BTK: variants seen among roughly 807,000 people sequenced by gnomAD.
BTK encodes tyrosine-protein kinase BTK.
In BTK, 5 loss-of-function variants were observed where a neutral mutation model predicts 57.4. The observed-to-expected ratio is 0.09, with a 90% CI of 0.05 to 0.18. The LOEUF is 0.18. BTK is among the 10% of genes least tolerant of loss of function. The probability of loss-of-function intolerance (pLI) is 1.00; values close to 1 mark genes in which losing one functional copy is unlikely to be tolerated. For missense variants in BTK, 194 were observed against 501.2 expected (o/e 0.39, Z 5.85); for synonymous variants, 154 against 174.3 (o/e 0.88, Z 0.92).
upstream of BTK, among the ~76,000 whole-genome samples, chrX:101,388,482 T>C (rs1259987770): frequency 2.7e-5 from 3 of 112,217 alleles, no homozygotes; most frequent in African/African-American, 6.5e-5. Flanking sequence ...AGCATTTTTA[T>C]TGATCATCTT....
rs60191867 is a variant in BTK at position 101,352,899 on chromosome X, C to CA, written c.1908+294dup. 0.058 allele frequency: 9,415 copies of CA among 161,072 alleles called. 278 individuals carry two copies. Among genetic ancestry groups the CA allele is most frequent in the African/African-American group, 0.17 (3,674 of 22,138 alleles). The allele number at this position is 161,072 out of a possible 1,213,427, so 13.3% of individuals were successfully genotyped here. On this transcript the variant is annotated intron_variant, in intron 18 of 18. Coordinates refer to ENST00000308731, the MANE Select transcript of BTK (RefSeq NM_000061.3). The stretch of plus-strand genomic sequence containing the variant: ...GGGTGACAGAGCAAGACTGTGTCAC[C>CA]AAAAAAAAAAAAAAAAATTAGCTTG...
intron 3 of BTK, among the ~76,000 whole-genome samples, chrX:101,373,879 TA>T: frequency 9.2e-6 from 1 of 109,131 alleles, no homozygotes; most frequent in Non-Finnish European, 1.9e-5. Context: ...CCGTCTCTAC[TA>T]AAAAAATACG....
upstream of BTK, among the ~76,000 whole-genome samples, chrX:101,389,203 T>C (rs782389980): frequency 8.9e-6 from 1 of 112,098 alleles, no homozygotes; most frequent in Admixed American, 9.5e-5. Flanking sequence ...ACACAGTGTA[T>C]ACACATATCA....
intron 13 of BTK, 139 bp from the exon 14 acceptor site, chrX:101,357,094 G>T: frequency 2.9e-6 from 2 of 683,022 alleles, no homozygotes; most frequent in Non-Finnish European, 4.5e-6. Context: ...CTTTGCTTAA[G>T]TCAATCTCAG....
chrX:101,384,953 G>A (rs1927567089), intron 1 of BTK, among the ~76,000 whole-genome samples: 1 of 111,518 alleles, frequency 9.0e-6, no homozygotes, highest in African/African-American at 3.3e-5. Context: ...GACATTGGCA[G>A]GTCTGAGGCA....
upstream of BTK, among the ~76,000 whole-genome samples, chrX:101,386,870 A>G (rs1251830401): frequency 8.9e-6 from 1 of 112,046 alleles, no homozygotes; most frequent in African/African-American, 3.2e-5. Flanking sequence ...CTTTCTCTTG[A>G]GTCCTGTAAA....
rs1555978473 is a variant in BTK at position 101,360,605 on chromosome X, T to G, written c.739A>C (p.Ser247Arg). The G allele has an allele frequency of 8.3e-7, 1 of 1,209,995 alleles. No individual in the cohort carries two copies. The highest frequency in any genetic ancestry group is 1.1e-6 in the Non-Finnish European group (1 of 895,249). ...KGDEYFILEE[S>R]NLPWWRARDK... ...CGTGCTCTCCACCATGGTAAGTTGC[T>G]TTCCTCCAAGATAAAATATTCATCA... Residue 247 changes from serine to arginine, a missense_variant, in exon 8 of 19, where the codon AGC becomes CGC. Physicochemically the swap from Ser to Arg is moderately radical, Grantham distance 110. This residue lies in a region of BTK where 115 missense variants were observed against 258.3 expected (regional missense o/e 0.45). Transcript: ENST00000308731.
In BTK at chrX:101,360,594, T is replaced by C; in HGVS notation, c.750A>G (p.Pro250=). 1 of 1,211,756 alleles carries C rather than the reference T, an allele frequency of 8.3e-7. No individual in the cohort carries two copies. Among genetic ancestry groups the C allele is most frequent in the African/African-American group, 1.7e-5 (1 of 57,798 alleles). The part of the protein sequence containing the change: ...EYFILEESNL[P]WWRARDKNGQ... ...CATTTTTATCTCGTGCTCTCCACCATGGTAAGTTGCTTTCCTCCAAGATAA... is the reference window on the plus strand; with the variant it reads ...CATTTTTATCTCGTGCTCTCCACCACGGTAAGTTGCTTTCCTCCAAGATAA... The change falls in exon 8 of 19, where the codon CCA becomes CCG. Residue 250 remains proline (P), a synonymous_variant. Coordinates refer to ENST00000308731, the MANE Select transcript of BTK (RefSeq NM_000061.3).
intron 15 of BTK, chrX:101,355,648 A>G: frequency 1.9e-5 from 3 of 160,017 alleles, no homozygotes; most frequent in Non-Finnish European, 3.7e-5. Flanking sequence ...TAACATAAAA[A>G]AAACCCACAC....
chrX:101,364,409 C>CAA (rs782095484), intron 5 of BTK, among the ~76,000 whole-genome samples: 102 of 50,028 alleles, frequency 2.0e-3, no homozygotes, highest in African/African-American at 6.0e-3. Flanking sequence ...AACTCCAACT[C>CAA]AAAAAAAAAA....
intron 5 of BTK, 24 bp downstream of exon 5, chrX:101,369,974 A>T: frequency 8.5e-7 from 1 of 1,174,448 alleles, no homozygotes; most frequent in Non-Finnish European, 1.2e-6. Flanking sequence ...CTTTGGAAAC[A>T]TTTATTTTCC....
intron 1 of BTK, among the ~76,000 whole-genome samples, chrX:101,375,842 T>C (rs1238257282): frequency 1.8e-5 from 2 of 111,955 alleles, no homozygotes; most frequent in African/African-American, 6.5e-5. Flanking sequence ...AATAAGGATA[T>C]GGAGGCTGCA....
rs1135363 is a variant in BTK at position 101,353,203 on chromosome X, G to A, written c.1899C>T (p.Cys633=). The change falls in exon 18 of 19, where the codon TGC becomes TGT. Residue 633 remains cysteine (C), a synonymous_variant. Transcript: ENST00000308731. ...CTAATAAAGCACTTACCTCATGCCA[G>A]CAACTGTACATGATGGTATATACCT... ...SEKVYTIMYS[C]WHEKADERPT... is the part of the protein sequence containing the mutation. The A allele has an allele frequency of 0.23, 271,654 of 1,206,338 alleles. 32,609 individuals carry two copies. The highest frequency in any genetic ancestry group is 0.82 in the African/African-American group (46,180 of 56,487).
At chrX:101,365,533 G>T (rs1255525771) in intron 5 of BTK, among the ~76,000 whole-genome samples, 10 of 112,074 alleles carry the variant, frequency 8.9e-5, no homozygotes, top group African/African-American at 2.6e-4. Context: ...AAGTGGGAGG[G>T]CTGGGGGAGA....
intron 5 of BTK, 145 bp downstream of exon 5, chrX:101,369,853 C>T (rs1395498259): frequency 2.0e-6 from 1 of 510,606 alleles, no homozygotes. Flanking sequence ...CCCTTCTATC[C>T]ATTTTTTTCT....
rs1926503850 is a variant in BTK, at chrX:101,356,900, T to G, written c.1233A>C (p.Gly411=). The part of the protein sequence containing the change: ...DLTFLKELGT[G]QFGVVKYGKW... ...TCCCATACTTCACTACCCCAAATTG[T>G]CCAGTCCCCAGCTCCTTCAAGAAGG... The change falls in exon 14 of 19, where the codon GGA becomes GGC. Residue 411 remains glycine (G), a synonymous_variant. Coordinates refer to ENST00000308731, the MANE Select transcript of BTK (RefSeq NM_000061.3). 1.7e-6 allele frequency: 2 copies of G among 1,211,896 alleles called. No individual in the cohort carries two copies. Among genetic ancestry groups the G allele is most frequent in the African/African-American group, 3.5e-5 (2 of 57,855 alleles).
intron 4 of BTK, among the ~76,000 whole-genome samples, chrX:101,371,086 G>A (rs914127275): frequency 8.9e-6 from 1 of 111,913 alleles, no homozygotes; most frequent in Non-Finnish European, 1.9e-5. Flanking sequence ...CACGACATGT[G>A]GCCTACAGAG....
At chrX:101,374,448 G>T in intron 3 of BTK, 88 bp downstream of exon 3, 3 of 762,996 alleles carry the variant, frequency 3.9e-6, no homozygotes, top group Non-Finnish European at 6.1e-6. Context: ...ACGTTGCACA[G>T]CATCACCAGT....
At chrX:101,354,876 G>GA (rs1159788034) in intron 15 of BTK, among the ~76,000 whole-genome samples, 182 bp from the exon 16 acceptor site, 1 of 112,039 alleles carries the variant, frequency 8.9e-6, no homozygotes, top group African/African-American at 3.2e-5. Flanking sequence ...CCACCACGTG[G>GA]AAAGCAACCT....
Sources: gnomAD v4.1 joint callset for allele counts (sites outside exome capture counted in the v4.1 genomes callset) on GRCh38, gnomAD v4.1.1 for gene constraint, gnomAD v4.1.1 regional missense constraint, MANE v1.5 for transcripts, NCBI Gene and HGNC (gene_info 2026-07-23, HGNC 2026-07-21) for gene names.